Variants in SH2D4B observed in about 807,000 individuals in gnomAD.
SH2D4B encodes SH2 domain-containing protein 4B.
SH2D4B carries 45 observed loss-of-function variants against 61.5 expected under a neutral mutation model. The observed-to-expected ratio is 0.73, with a 90% confidence interval of 0.58 to 0.94. SH2D4B has a LOEUF of 0.94. Ranked by LOEUF, SH2D4B falls within the 40% of genes least tolerant of loss-of-function variation. The pLI, the probability that SH2D4B is intolerant of heterozygous loss-of-function variation, is 0.00. For synonymous variants in SH2D4B, 224 were observed against 220.4 expected, an observed-to-expected ratio of 1.02 and a Z score of -0.14; for missense variants, 572 against 574.2, an observed-to-expected ratio of 1.00 and a Z score of 0.04.
intron 1 of SH2D4B, among the ~76,000 whole-genome samples, chr10:80,547,843 G>A (rs1436358034): frequency 6.6e-6 from 1 of 152,300 alleles, no homozygotes; most frequent in East Asian, 1.9e-4. Flanking sequence ...TGTGCCATGA[G>A]AGTTGGAAAG....
At chr10:80,636,721 T>G (rs1053991514) in intron 7 of SH2D4B, among the ~76,000 whole-genome samples, 2 of 152,228 alleles carry the variant, frequency 1.3e-5, no homozygotes, top group Admixed American at 6.5e-5. Flanking sequence ...ATGGGTAGAT[T>G]GCAAAAATTT....
chr10:80,549,481 C>CA (rs1436564967), intron 1 of SH2D4B, among the ~76,000 whole-genome samples: 2 of 152,110 alleles, frequency 1.3e-5, no homozygotes, highest in Non-Finnish European at 2.9e-5. Flanking sequence ...GTGAGCTCCT[C>CA]AGGGGTGTAG....
chr10:80,592,606 G>A (rs945749701), intron 4 of SH2D4B, among the ~76,000 whole-genome samples: 4 of 152,042 alleles, frequency 2.6e-5, no homozygotes, highest in African/African-American at 9.7e-5. Flanking sequence ...AGTTGTCCAA[G>A]CACCATTTGT....
At chr10:80,568,839 C>T (rs771263535) in intron 1 of SH2D4B, among the ~76,000 whole-genome samples, 1 of 152,204 alleles carries the variant, frequency 6.6e-6, no homozygotes, top group Non-Finnish European at 1.5e-5. Flanking sequence ...TAGCAACCAA[C>T]ACTTATTCCT....
intron 1 of SH2D4B, among the ~76,000 whole-genome samples, chr10:80,551,803 G>A (rs925556242): frequency 3.3e-5 from 5 of 152,204 alleles, no homozygotes; most frequent in Non-Finnish European, 7.4e-5. Context: ...GGGCAGATGG[G>A]GATGGGGTGG....
intron 6 of SH2D4B, among the ~76,000 whole-genome samples, chr10:80,634,009 C>G (rs999069076): frequency 6.6e-6 from 1 of 152,208 alleles, no homozygotes; most frequent in Non-Finnish European, 1.5e-5. Context: ...TCCAAATCAC[C>G]CTGGCTCAAT....
rs375122151 is a variant in SH2D4B at position 80,538,391 on chromosome 10, C to T, written c.60C>T (p.Ser20=). 1.2e-5 allele frequency: 18 copies of T among 1,443,420 alleles called. No homozygotes were observed. The highest frequency in any genetic ancestry group is 2.0e-4 in the Middle Eastern group (1 of 4,998). The allele number at this position is 1,443,420 out of a possible 1,614,324, so 89.4% of individuals were successfully genotyped here. A position where few individuals can be genotyped will look rare whatever the true frequency, so the allele number is the denominator to read the frequency against. ...YIDPELLAEL[S]DVQKHILFYK... is the part of the protein sequence containing the mutation. ...ACCCCGAGCTCCTTGCCGAGCTCAG[C>T]GATGTGCAGAAGCACATCCTCTTCT... Residue 20 remains serine (S), a synonymous_variant, in exon 1 of 8, where the codon AGC becomes AGT. Transcript: ENST00000646907. The surrounding 1 kb of genome is among the most constrained non-coding windows in gnomAD (Gnocchi z 4.8).
intron 4 of SH2D4B, among the ~76,000 whole-genome samples, chr10:80,595,789 C>T (rs960134561): frequency 6.6e-6 from 1 of 152,194 alleles, no homozygotes; most frequent in Non-Finnish European, 1.5e-5. Flanking sequence ...TCTTCAATCC[C>T]TCCTTAATAG....
At position 80,539,343 on chromosome 10, in the gene SH2D4B, C is replaced by T. The variant is rs1841548293; in HGVS notation, c.184+828C>T. On this transcript the variant is annotated intron_variant, in intron 1 of 7. Coordinates refer to ENST00000646907, the MANE Select transcript of SH2D4B (RefSeq NM_001388272.1). The surrounding 1 kb of genome is among the most constrained non-coding windows in gnomAD (Gnocchi z 4.9). The stretch of plus-strand genomic sequence containing the variant: ...ACAGTTTGCAAGGCTTATGTGCCTT[C>T]ACCCTTTGAAGTTTTCAATCCAGAA... Among the ~76,000 whole-genome samples the T allele has an allele frequency of 6.6e-6, 1 of 152,248 alleles. No homozygotes were observed. Among genetic ancestry groups the T allele is most frequent in the Non-Finnish European group, 1.5e-5 (1 of 68,042 alleles).
chr10:80,632,351 A>G (rs1298360121), intron 6 of SH2D4B, among the ~76,000 whole-genome samples: 2 of 152,228 alleles, frequency 1.3e-5, no homozygotes, highest in Non-Finnish European at 2.9e-5. Flanking sequence ...CCCGCAGTGC[A>G]TACATATATC....
At chr10:80,563,050 T>C (rs1004367380) in intron 1 of SH2D4B, among the ~76,000 whole-genome samples, 5 of 151,498 alleles carry the variant, frequency 3.3e-5, no homozygotes, top group East Asian at 1.9e-4. Context: ...TACAGGCGCC[T>C]GCCACTACGC....
At chr10:80,564,736 A>T (rs1384036451) in intron 1 of SH2D4B, among the ~76,000 whole-genome samples, 3 of 152,196 alleles carry the variant, frequency 2.0e-5, no homozygotes, top group Non-Finnish European at 4.4e-5. Context: ...CATGTCAAAC[A>T]ATTTGGCCAA....
chr10:80,636,558 G>A (rs1272488325), intron 7 of SH2D4B, among the ~76,000 whole-genome samples: 1 of 152,162 alleles, frequency 6.6e-6, no homozygotes, highest in Non-Finnish European at 1.5e-5. Flanking sequence ...GTGATGATGA[G>A]CATTTTTTCA....
intron 7 of SH2D4B, among the ~76,000 whole-genome samples, chr10:80,635,737 A>G (rs766816901): frequency 3.3e-5 from 5 of 152,310 alleles, no homozygotes; most frequent in South Asian, 2.1e-4. Context: ...CTCTACATCC[A>G]TGCTCTTATT....
chr10:80,593,035 A>G (rs930021995), intron 4 of SH2D4B, among the ~76,000 whole-genome samples: 2 of 152,070 alleles, frequency 1.3e-5, no homozygotes, highest in Non-Finnish European at 2.9e-5. Context: ...TGTACTTTCA[A>G]TCCTGTTCCA....
chr10:80,573,228 C>T (rs1205718123), intron 3 of SH2D4B, among the ~76,000 whole-genome samples: 3 of 146,132 alleles, frequency 2.1e-5, no homozygotes, highest in East Asian at 4.2e-4. Context: ...CCTCGTGATC[C>T]GCCCACCTCG....
intron 4 of SH2D4B, among the ~76,000 whole-genome samples, chr10:80,600,121 C>A (rs1448190290): frequency 6.6e-6 from 1 of 152,226 alleles, no homozygotes; most frequent in East Asian, 1.9e-4. Flanking sequence ...GTCAGGCCCC[C>A]ACTTTATGGA....
chr10:80,549,130 A>C (rs146436190), intron 1 of SH2D4B, among the ~76,000 whole-genome samples: 129 of 151,972 alleles, frequency 8.5e-4, no homozygotes, highest in African/African-American at 2.9e-3. Context: ...TGTGTGGCTA[A>C]ACATAGGGCT....
chr10:80,558,576 G>T (rs1841867097), intron 1 of SH2D4B, among the ~76,000 whole-genome samples: 1 of 152,066 alleles, frequency 6.6e-6, no homozygotes, highest in Admixed American at 6.6e-5. Flanking sequence ...CATCTTCTGG[G>T]CTCAAGTGAT....
Sources: gnomAD v4.1 joint callset for allele counts (sites outside exome capture counted in the v4.1 genomes callset) on GRCh38, gnomAD v4.1.1 for gene constraint, Gnocchi (gnomAD v3.1) non-coding constraint, MANE v1.5 for transcripts, NCBI Gene and HGNC (gene_info 2026-07-23, HGNC 2026-07-21) for gene names.